Variants in MCTP1 observed in about 807,000 individuals in gnomAD.
The protein encoded by MCTP1 is multiple C2 and transmembrane domain-containing protein 1.
Under a neutral mutation model 120.6 loss-of-function variants are expected in MCTP1, and 69 were observed. That is an observed-to-expected ratio of 0.57 (90% CI 0.47 to 0.70). MCTP1 has a LOEUF of 0.70. Ranked by LOEUF, MCTP1 falls within the 30% of genes least tolerant of loss-of-function variation. The pLI, the probability that MCTP1 is intolerant of heterozygous loss-of-function variation, is 0.00. For missense variants in MCTP1, 1,203 were observed against 1,248.8 expected, an observed-to-expected ratio of 0.96 and a Z score of 0.55; for synonymous variants, 529 against 493.1, an observed-to-expected ratio of 1.07 and a Z score of -0.96.
chr5:94,889,481 T>G (rs2153386116), intron 11 of MCTP1, among the ~76,000 whole-genome samples: 1 of 152,088 alleles, frequency 6.6e-6, no homozygotes, highest in East Asian at 1.9e-4. Context: ...TCCCAGCTAC[T>G]CTGGAGGCTG....
intron 8 of MCTP1, 77 bp from the exon 9 acceptor site, chr5:94,913,053 T>C (rs1006163290): frequency 1.0e-6 from 1 of 969,986 alleles, no homozygotes; most frequent in Non-Finnish European, 1.5e-6. Flanking sequence ...CCTTTTCTCC[T>C]GTTATGATTC....
rs1285873320 is a variant in MCTP1 at position 95,060,949 on chromosome 5, AAAAAAG to A, written c.721-43471_721-43466del. ...AGAGCATGCCACTCCACAAAAAAAA[AAAAAAG>A]AAAAGAAAAGAAAAGAAAATAATGA... is the stretch of plus-strand genomic sequence containing the variant. On this transcript the variant is annotated intron_variant, in intron 1 of 22. Coordinates refer to ENST00000515393, the MANE Select transcript of MCTP1 (RefSeq NM_024717.7). 4.6e-3 allele frequency among the ~76,000 whole-genome samples: 699 copies of A among 150,554 alleles called. 3 individuals are homozygous for A. Among genetic ancestry groups the A allele is most frequent in the African/African-American group, 0.016 (637 of 40,424 alleles).
chr5:95,197,708 A>C (rs966911443), intron 1 of MCTP1, among the ~76,000 whole-genome samples: 2 of 152,158 alleles, frequency 1.3e-5, no homozygotes, highest in Non-Finnish European at 2.9e-5. Context: ...GTTTTTGTAG[A>C]TATCTCTCTA....
chr5:94,987,224 T>C (rs1344553109), intron 2 of MCTP1, among the ~76,000 whole-genome samples: 1 of 152,194 alleles, frequency 6.6e-6, no homozygotes, highest in African/African-American at 2.4e-5. Flanking sequence ...CTTAACTCAG[T>C]AAGTCTTCAT....
At chr5:95,170,829 A>C (rs1205557172) in intron 1 of MCTP1, among the ~76,000 whole-genome samples, 1 of 152,150 alleles carries the variant, frequency 6.6e-6, no homozygotes, top group Non-Finnish European at 1.5e-5. Context: ...GGGTCTCCTG[A>C]AAACAGCACA....
At chr5:94,762,239 A>T (rs758485376) in intron 19 of MCTP1, among the ~76,000 whole-genome samples, 2 of 152,228 alleles carry the variant, frequency 1.3e-5, no homozygotes, top group Admixed American at 1.3e-4. Context: ...TGAGTGACTT[A>T]TGCCTCAGAG....
chr5:94,920,989 A>T (rs1437960482), intron 7 of MCTP1, among the ~76,000 whole-genome samples: 1 of 152,138 alleles, frequency 6.6e-6, no homozygotes, highest in African/African-American at 2.4e-5. Flanking sequence ...CACTTAAAAA[A>T]TATTTAAATT....
At position 94,969,787 on chromosome 5, in the gene MCTP1, T is replaced by C. The variant is rs148272133; in HGVS notation, c.839-16426A>G. 2.6e-4 allele frequency among the ~76,000 whole-genome samples: 39 copies of C among 152,148 alleles called. No individual in the cohort carries two copies. The East Asian group carries it at 3.3e-3, about 13-fold the overall frequency. On this transcript the variant is annotated intron_variant, in intron 2 of 22. Coordinates refer to ENST00000515393, the MANE Select transcript of MCTP1 (RefSeq NM_024717.7). ...AATAAGGTCCTTCACATTTGAGAGG[T>C]TGTAAAAATAGTGACATTCAAAACA...
chr5:95,015,265 C>A (rs1249598638), intron 2 of MCTP1, among the ~76,000 whole-genome samples: 1 of 152,000 alleles, frequency 6.6e-6, no homozygotes, highest in African/African-American at 2.4e-5. Flanking sequence ...ATTCAAATAC[C>A]CTTTTTCATA....
chr5:94,754,662 T>A (rs1403356630), intron 19 of MCTP1, among the ~76,000 whole-genome samples: 3 of 151,822 alleles, frequency 2.0e-5, no homozygotes, highest in African/African-American at 4.8e-5. Context: ...AGTGCCAAAG[T>A]ACGTTTAACT....
chr5:95,117,273 C>A (rs1757889401), intron 1 of MCTP1, among the ~76,000 whole-genome samples: 1 of 151,782 alleles, frequency 6.6e-6, no homozygotes, highest in Non-Finnish European at 1.5e-5. Context: ...CGCCTGTAGT[C>A]CCAGCTACTC....
chr5:95,076,864 A>G lies in MCTP1; in HGVS notation c.721-59380T>C, dbSNP rs569812446. Among the ~76,000 whole-genome samples the G allele has an allele frequency of 4.6e-5, 7 of 152,232 alleles. No homozygotes were observed. The South Asian group carries it at 1.5e-3, about 32-fold the overall frequency. On this transcript the variant is annotated intron_variant, in intron 1 of 22. Coordinates refer to ENST00000515393, the MANE Select transcript of MCTP1 (RefSeq NM_024717.7). Reference sequence around the variant, plus strand: ...AAGCCAAATGTGTAATTACCCCAGTACAGTTGTTTCCATTGTTTAAAACTT... The same window carrying G: ...AAGCCAAATGTGTAATTACCCCAGTGCAGTTGTTTCCATTGTTTAAAACTT...
intron 1 of MCTP1, among the ~76,000 whole-genome samples, chr5:95,198,456 T>A (rs149044707): frequency 6.6e-6 from 1 of 152,324 alleles, no homozygotes; most frequent in African/African-American, 2.4e-5. Context: ...TACTTTAATA[T>A]AAAGTAGGCT....
chr5:95,213,705 T>C (rs1432799090), intron 1 of MCTP1, among the ~76,000 whole-genome samples: 1 of 151,216 alleles, frequency 6.6e-6, no homozygotes, highest in Non-Finnish European at 1.5e-5. Flanking sequence ...TCAGAAATAA[T>C]GCCACATATC....
intron 1 of MCTP1, among the ~76,000 whole-genome samples, chr5:95,203,109 C>T (rs1022843832): frequency 3.9e-5 from 6 of 152,212 alleles, no homozygotes; most frequent in Non-Finnish European, 7.3e-5. Context: ...CACTTCTATT[C>T]TCTGCTTTAG....
intron 1 of MCTP1, among the ~76,000 whole-genome samples, chr5:95,168,106 C>T (rs1290513295): frequency 6.6e-6 from 1 of 152,196 alleles, no homozygotes; most frequent in African/African-American, 2.4e-5. Flanking sequence ...TTTCAGCTTT[C>T]TACATATGGC....
chr5:94,849,448 C>T (rs1793176484), intron 17 of MCTP1, among the ~76,000 whole-genome samples: 1 of 151,866 alleles, frequency 6.6e-6, no homozygotes, highest in South Asian at 2.1e-4. Context: ...TGTTTGTTTA[C>T]CATTGTTTAC....
chr5:94,735,507 G>C (rs1373156044), intron 19 of MCTP1, among the ~76,000 whole-genome samples: 3 of 151,984 alleles, frequency 2.0e-5, no homozygotes, highest in Non-Finnish European at 2.9e-5. Context: ...GAACTTCCAG[G>C]CTCAAGAGAT....
intron 1 of MCTP1, among the ~76,000 whole-genome samples, chr5:95,147,205 G>A (rs1760474517): frequency 6.6e-6 from 1 of 152,018 alleles, no homozygotes; most frequent in Admixed American, 6.6e-5. Context: ...TCCTTCCTCA[G>A]CCTCCTGAGC....
Sources: allele counts gnomAD v4.1 joint callset (sites outside exome capture counted in the v4.1 genomes callset), GRCh38; gene constraint gnomAD v4.1.1; transcripts MANE v1.5; gene names NCBI Gene and HGNC (gene_info 2026-07-23, HGNC 2026-07-21).